PARP4: variants seen among roughly 807,000 people sequenced by gnomAD.
PARP4 encodes poly(ADP-ribose) polymerase family member 4.
PARP4 carries 120 observed loss-of-function variants against 187.7 expected under a neutral mutation model. The ratio of observed to expected loss-of-function variants is 0.64; its 90% CI spans 0.55 to 0.74. The LOEUF (loss-of-function observed/expected upper bound fraction) is 0.74. Ranked by LOEUF, PARP4 falls within the 30% of genes least tolerant of loss-of-function variation. The pLI, the probability that PARP4 is intolerant of heterozygous loss-of-function variation, is 0.00. For synonymous variants in PARP4, 654 were observed against 740.9 expected (o/e 0.88, Z 1.90); for missense variants, 1,836 against 2,070.5 (o/e 0.89, Z 2.20).
At chr13:24,464,058 G>A (rs530417447) in intron 17 of PARP4, among the ~76,000 whole-genome samples, 2 of 152,098 alleles carry the variant, frequency 1.3e-5, no homozygotes, top group African/African-American at 4.8e-5. Context: ...TTGCTACAAA[G>A]AGAATAAAAT....
rs771466193 is a variant in PARP4, at chr13:24,478,205, A to G, written c.1520T>C (p.Leu507Pro). 2 of 1,613,758 alleles carry G rather than the reference A, an allele frequency of 1.2e-6. No homozygotes were observed. Among genetic ancestry groups the G allele is most frequent in the Admixed American group, 3.3e-5 (2 of 59,986 alleles). The part of the protein sequence containing the change: ...TRLLLICDVA[L>P]GKCMDLHEKD... ...CTCATGTAAGTCCATACACTTTCCG[A>G]GGGCTACGTCACAAATGAGCAGGAG... The change falls in exon 13 of 34, where the codon CTC becomes CCC. Residue 507 changes from leucine (L) to proline (P), a missense_variant. Leu to Pro is a moderately conservative substitution (Grantham distance 98). This residue lies in a region of PARP4 where 1,147 missense variants were observed against 1,214.2 expected (regional missense o/e 0.94). Transcript: ENST00000381989.
intron 8 of PARP4, among the ~76,000 whole-genome samples, chr13:24,492,854 C>G (rs1414849220): frequency 1.3e-5 from 2 of 152,214 alleles, no homozygotes; most frequent in Non-Finnish European, 2.9e-5. Flanking sequence ...TATGTGGACA[C>G]ATCTACATAC....
At chr13:24,434,071 G>A (rs896664589) in intron 31 of PARP4, among the ~76,000 whole-genome samples, 8 of 152,174 alleles carry the variant, frequency 5.3e-5, no homozygotes, top group African/African-American at 1.9e-4. Context: ...TAGAATCTAG[G>A]AAATTAAGAT....
chr13:24,473,241 T>C (rs978721843), intron 15 of PARP4, among the ~76,000 whole-genome samples: 4 of 152,264 alleles, frequency 2.6e-5, no homozygotes, highest in Admixed American at 6.5e-5. Context: ...CTGGTATTTA[T>C]GATAGCAAAA....
Position 24,420,943 on chromosome 13 carries a change from C to A in PARP4, c.*176G>T. ...CAGAAAACTGAAATATTTTAAGTTT[C>A]ATTTTATTATTGCTTGTTAGTTGAT... On this transcript the variant is annotated 3_prime_UTR_variant, in exon 34 of 34. Transcript: ENST00000381989. 1.7e-6 allele frequency: 1 copy of A among 604,958 alleles called. No homozygotes were observed. Among genetic ancestry groups the A allele is most frequent in the East Asian group, 5.5e-5 (1 of 18,136 alleles). The allele number at this position is 604,958 out of a possible 1,614,324, so 37.5% of individuals were successfully genotyped here.
intron 14 of PARP4, among the ~76,000 whole-genome samples, chr13:24,476,248 C>T (rs117318221): frequency 0.017 from 2,569 of 151,928 alleles, 23 homozygotes; most frequent in Non-Finnish European, 0.024. Context: ...CGAGTAGCTG[C>T]GACTACAGAC....
Position 24,485,394 on chromosome 13 carries a change from T to A in PARP4, c.1353-646A>T, listed in dbSNP as rs1421923298. 3.3e-5 allele frequency among the ~76,000 whole-genome samples: 5 copies of A among 152,230 alleles called. No homozygotes were observed. In the East Asian group the frequency reaches 9.6e-4, roughly 29 times the overall value. ...TAAAAAAATCTTATTGGTAATTTTA[T>A]CATGATTGCACTAAATCTATAGACT... On this transcript the variant is annotated intron_variant, in intron 11 of 33. Coordinates refer to ENST00000381989, the MANE Select transcript of PARP4 (RefSeq NM_006437.4).
rs546298090 is a variant in PARP4 at position 24,485,166 on chromosome 13, T to C, written c.1353-418A>G. Reference sequence around the variant, plus strand: ...TGTATTTTTTCCTTGTGGTTACCCATTTATCTCTATAGATAGTATTGAAGA... The same window carrying C: ...TGTATTTTTTCCTTGTGGTTACCCACTTATCTCTATAGATAGTATTGAAGA... On this transcript the variant is annotated intron_variant, in intron 11 of 33. Transcript: ENST00000381989. Among the ~76,000 whole-genome samples, 5 of 152,344 alleles carry C rather than the reference T, an allele frequency of 3.3e-5. No homozygotes were observed. The South Asian group carries it at 1.0e-3, about 32-fold the overall frequency.
chr13:24,497,228 G>A (rs1396521477), intron 6 of PARP4, among the ~76,000 whole-genome samples: 7 of 152,140 alleles, frequency 4.6e-5, no homozygotes, highest in Admixed American at 1.3e-4. Context: ...AGCCTCCTTT[G>A]TTGTTCCCAG....
At chr13:24,444,525 A>AT (rs1871113444) in intron 27 of PARP4, among the ~76,000 whole-genome samples, 1 of 152,214 alleles carries the variant, frequency 6.6e-6, no homozygotes, top group Non-Finnish European at 1.5e-5. Context: ...GAAATGATTT[A>AT]TCTGGTTATA....
rs1555231472 is a variant in PARP4, at chr13:24,423,533, A to AAAAT, written c.4980-2223_4980-2220dup. On this transcript the variant is annotated intron_variant, in intron 33 of 33. Coordinates refer to ENST00000381989, the MANE Select transcript of PARP4 (RefSeq NM_006437.4). ...GTGACAGAACGAGATCTGGCCTCAA[A>AAAAT]AAATAAATAAATAAATAAAAACAAA... Among the ~76,000 whole-genome samples, 778 of 150,832 alleles carry AAAAT rather than the reference A, an allele frequency of 5.2e-3. 6 individuals are homozygous for AAAAT. Among genetic ancestry groups the AAAAT allele is most frequent in the African/African-American group, 0.018 (734 of 40,960 alleles).
intron 28 of PARP4, 46 bp downstream of exon 28, chr13:24,443,604 T>G (rs1871060452): frequency 7.5e-7 from 1 of 1,330,478 alleles, no homozygotes; most frequent in South Asian, 1.2e-5. Flanking sequence ...AATGTAAGAA[T>G]GCTCAAGAAG....
chr13:24,443,268 T>C (rs1871039253), intron 28 of PARP4, among the ~76,000 whole-genome samples: 1 of 151,378 alleles, frequency 6.6e-6, no homozygotes, highest in African/African-American at 2.4e-5. Flanking sequence ...AGGTGGGCTT[T>C]GGCAGGTCAC....
At chr13:24,486,394 A>C (rs1019365640) in intron 10 of PARP4, 89 bp from the exon 11 acceptor site, 2 of 827,452 alleles carry the variant, frequency 2.4e-6, no homozygotes, top group Non-Finnish European at 3.9e-6. Context: ...AAAAGAGTCC[A>C]AATGTCCATT....
intron 17 of PARP4, among the ~76,000 whole-genome samples, chr13:24,461,080 T>G (rs928326422): frequency 6.6e-6 from 1 of 152,220 alleles, no homozygotes; most frequent in Non-Finnish European, 1.5e-5. Flanking sequence ...AGAGGCTAGA[T>G]ACATTTTTTT....
chr13:24,510,266 C>G (rs1348554033), intron 1 of PARP4, among the ~76,000 whole-genome samples: 1 of 152,092 alleles, frequency 6.6e-6, no homozygotes, highest in Admixed American at 6.5e-5. Context: ...TAAAAGTGTT[C>G]ACTATTGGCC....
At chr13:24,496,542 T>C (rs2137537144) in intron 6 of PARP4, among the ~76,000 whole-genome samples, 1 of 152,308 alleles carries the variant, frequency 6.6e-6, no homozygotes, top group South Asian at 2.1e-4. Flanking sequence ...GAGACAATGC[T>C]ACAAGAGCTA....
chr13:24,498,075 G>A (rs1869052199), intron 6 of PARP4, 41 bp downstream of exon 6: 2 of 1,360,248 alleles, frequency 1.5e-6, no homozygotes, highest in Non-Finnish European at 2.1e-6. Context: ...GTTATGAACA[G>A]AGGTCAGTAA....
intron 1 of PARP4, among the ~76,000 whole-genome samples, chr13:24,505,941 G>A (rs1869625211): frequency 6.6e-6 from 1 of 152,226 alleles, no homozygotes; most frequent in Non-Finnish European, 1.5e-5. Context: ...GTTGCTGAAA[G>A]CCCACCGCCC....
Sources: allele counts gnomAD v4.1 joint callset (sites outside exome capture counted in the v4.1 genomes callset), GRCh38; gene constraint gnomAD v4.1.1; regional missense constraint gnomAD v4.1.1; transcripts MANE v1.5; gene names NCBI Gene and HGNC (gene_info 2026-07-23, HGNC 2026-07-21).